Variants in ATRX observed in about 807,000 individuals in gnomAD.
ATRX encodes chromatin remodeler ATRX.
A neutral mutation model predicts 172.6 loss-of-function variants in ATRX; 12 were observed. That is an observed-to-expected ratio of 0.07 (90% CI 0.04 to 0.11). ATRX has a LOEUF of 0.11. Among genes scored for constraint, ATRX ranks in the 10% least tolerant of loss-of-function variants. ATRX has a pLI of 1.00. For missense variants in ATRX, 1,368 were observed against 1,767.4 expected, an observed-to-expected ratio of 0.77 and a Z score of 4.05; for synonymous variants, 674 against 594.7, an observed-to-expected ratio of 1.13 and a Z score of -1.94.
rs1038018413 is a variant in ATRX at position 77,505,278 on chromosome X, A to T, written c.*3073T>A. 3 of 172,844 alleles carry T rather than the reference A, an allele frequency of 1.7e-5. No homozygotes were observed. Among genetic ancestry groups the T allele is most frequent in the Non-Finnish European group, 3.3e-5 (3 of 90,759 alleles). The allele number at this position is 172,844 out of a possible 1,213,427, so 14.2% of individuals were successfully genotyped here. A position where few individuals can be genotyped will look rare whatever the true frequency, so the allele number is the denominator to read the frequency against. ...ACATAAATATCGATCTGATTTTATG[A>T]TAATGGAGGGAAAATGAACATAGCT... On this transcript the variant is annotated 3_prime_UTR_variant, in exon 35 of 35. Transcript: ENST00000373344.
chrX:77,637,001 AAGGAGGAAGAAGG>A (rs1372788678), intron 15 of ATRX, among the ~76,000 whole-genome samples: 2 of 104,618 alleles, frequency 1.9e-5, no homozygotes, highest in Non-Finnish European at 4.0e-5. Flanking sequence ...AAGGAGGAGG[AAGGAGGAAGAAGG>A]AGGAGGAAGA....
chrX:77,636,827 AGGAAGGAGGAAGGAGGT>A (rs1174778940), intron 15 of ATRX, among the ~76,000 whole-genome samples: 1 of 101,547 alleles, frequency 9.8e-6, no homozygotes, highest in Non-Finnish European at 2.0e-5. Context: ...AGGAGGAAGC[AGGAAGGAGGAAGGAGGT>A]GGAAGGAGGA....
intron 30 of ATRX, among the ~76,000 whole-genome samples, chrX:77,532,152 G>C (rs1470332359): frequency 9.0e-6 from 1 of 110,740 alleles, no homozygotes; most frequent in African/African-American, 3.3e-5. Context: ...AACAAATAGA[G>C]AAACATTCCA....
intron 27 of ATRX, among the ~76,000 whole-genome samples, chrX:77,584,383 C>T (rs1602652897): frequency 2.7e-5 from 3 of 111,716 alleles, no homozygotes; most frequent in Middle Eastern, 9.2e-3. Context: ...GCCAAAAGAA[C>T]AAAAGTGTAA....
At chrX:77,592,761 G>A (rs1429574813) in intron 26 of ATRX, among the ~76,000 whole-genome samples, 8 of 108,465 alleles carry the variant, frequency 7.4e-5, no homozygotes, top group African/African-American at 2.4e-4. Context: ...GCGATGAGCC[G>A]AGATCGCACC....
At chrX:77,585,828 C>G (rs1452811384) in intron 27 of ATRX, among the ~76,000 whole-genome samples, 1 of 110,161 alleles carries the variant, frequency 9.1e-6, no homozygotes, top group Non-Finnish European at 1.9e-5. Flanking sequence ...GAGAAAGATC[C>G]TGTCATTTAC....
intron 19 of ATRX, among the ~76,000 whole-genome samples, chrX:77,621,782 T>G (rs1428967514): frequency 9.0e-6 from 1 of 111,651 alleles, no homozygotes; most frequent in Non-Finnish European, 1.9e-5. Flanking sequence ...ACAGCTTCAG[T>G]ATGACAGATC....
chrX:77,605,028 G>A (rs2066850193), intron 22 of ATRX, among the ~76,000 whole-genome samples: 1 of 112,208 alleles, frequency 8.9e-6, no homozygotes, highest in African/African-American at 3.2e-5. Flanking sequence ...GAGTGAATGA[G>A]AAACTACTTA....
chrX:77,673,690 T>A (rs942761639), intron 10 of ATRX, among the ~76,000 whole-genome samples: 1 of 111,173 alleles, frequency 9.0e-6, no homozygotes, highest in Non-Finnish European at 1.9e-5. Context: ...ATTCAGGATA[T>A]GACTAAGTTT....
At chrX:77,556,681 T>C (rs1345868929) in intron 30 of ATRX, among the ~76,000 whole-genome samples, 1 of 112,005 alleles carries the variant, frequency 8.9e-6, no homozygotes, top group Non-Finnish European at 1.9e-5. Context: ...TGTGAAAGCA[T>C]TCTATATTTT....
intron 9 of ATRX, among the ~76,000 whole-genome samples, chrX:77,679,192 G>A (rs953464620): frequency 1.8e-5 from 2 of 110,637 alleles, no homozygotes; most frequent in African/African-American, 6.6e-5. Flanking sequence ...TATTGACAAG[G>A]CCCAATTTTT....
At chrX:77,693,982 C>T in intron 5 of ATRX, 45 bp from the exon 6 acceptor site, 1 of 992,767 alleles carries the variant, frequency 1.0e-6, no homozygotes, top group Non-Finnish European at 1.4e-6. Flanking sequence ...ATTAAATGTG[C>T]AAGTGAAGTA....
rs781792876 is a variant in ATRX at position 77,585,583 on chromosome X, CAAAAAAAAAAAAAAAAAAAAAAAA to C, written c.6217+4227_6217+4250del. 2.0e-3 allele frequency among the ~76,000 whole-genome samples: 17 copies of C among 8,553 alleles called. 1 individual carries two copies. The highest frequency in any genetic ancestry group is 7.1e-3 in the Admixed American group (3 of 422). 7.4% of individuals were successfully genotyped at this position (8,553 alleles called of 115,157 possible). ...AGAGCAAGACCTTGTCTCCCCCCAC[CAAAAAAAAAAAAAAAAAAAAAAAA>C]AAAAAAAAAAAAAAAAGGATCCAGC... On this transcript the variant is annotated intron_variant, in intron 27 of 34. Coordinates refer to ENST00000373344, the MANE Select transcript of ATRX (RefSeq NM_000489.6).
chrX:77,764,634 T>A (rs2148919673), intron 1 of ATRX, among the ~76,000 whole-genome samples: 1 of 112,110 alleles, frequency 8.9e-6, no homozygotes, highest in South Asian at 3.6e-4. Flanking sequence ...ATTACTCAAA[T>A]TTTACAGAAG....
chrX:77,637,014 G>GAGGAGGAAGA (rs1490181220), intron 15 of ATRX, among the ~76,000 whole-genome samples: 1 of 103,902 alleles, frequency 9.6e-6, no homozygotes, highest in Non-Finnish European at 2.0e-5. Context: ...GAGGAAGAAG[G>GAGGAGGAAGA]AGGAGGAAGA....
chrX:77,674,071 A>AT (rs2070750468), intron 10 of ATRX: 1 of 111,519 alleles, frequency 9.0e-6, no homozygotes, highest in African/African-American at 3.2e-5. Flanking sequence ...GACAAAGCAT[A>AT]TAAGATTTAT....
chrX:77,561,361 A>C (rs1557061883), intron 28 of ATRX, among the ~76,000 whole-genome samples: 1 of 111,133 alleles, frequency 9.0e-6, no homozygotes, highest in South Asian at 3.8e-4. Context: ...ACCTTAAAGA[A>C]CTTCAATACG....
chrX:77,696,125 G>A (rs2072176474), intron 5 of ATRX, among the ~76,000 whole-genome samples: 1 of 112,090 alleles, frequency 8.9e-6, no homozygotes, highest in Non-Finnish European at 1.9e-5. Flanking sequence ...ATCTATCTAT[G>A]ATAGTTAACT....
At chrX:77,711,027 T>C (rs1355669694) in intron 2 of ATRX, among the ~76,000 whole-genome samples, 2 of 111,896 alleles carry the variant, frequency 1.8e-5, no homozygotes, top group South Asian at 3.7e-4. Flanking sequence ...GGTTGTGATA[T>C]TGTATTCTAG....
Sources: gnomAD v4.1 joint callset for allele counts (sites outside exome capture counted in the v4.1 genomes callset) on GRCh38, gnomAD v4.1.1 for gene constraint, MANE v1.5 for transcripts, NCBI Gene and HGNC (gene_info 2026-07-23, HGNC 2026-07-21) for gene names.